Variants in MARCHF4 observed in about 807,000 individuals in gnomAD.
The protein encoded by MARCHF4 is membrane associated ring-CH-type finger 4.
In MARCHF4, 14 loss-of-function variants were observed where a neutral mutation model predicts 43.9. The observed-to-expected ratio is 0.32, with a 90% CI of 0.21 to 0.50. The LOEUF is 0.50. MARCHF4 is among the 20% of genes least tolerant of loss of function. MARCHF4 has a pLI of 0.98. For synonymous variants in MARCHF4, 226 were observed against 213.3 expected, an observed-to-expected ratio of 1.06 and a Z score of -0.52; for missense variants, 468 against 536.7, an observed-to-expected ratio of 0.87 and a Z score of 1.27.
intron 1 of MARCHF4, among the ~76,000 whole-genome samples, chr2:216,354,891 T>TTTTC (rs71054468): frequency 0.027 from 2,317 of 85,996 alleles, 122 homozygotes; most frequent in Non-Finnish European, 0.03. Context: ...TTAATAATTG[T>TTTTC]TTTCTTTCTT....
chr2:216,348,220 AG>A (rs1332019453), intron 1 of MARCHF4, among the ~76,000 whole-genome samples: 1 of 151,920 alleles, frequency 6.6e-6, no homozygotes, highest in Non-Finnish European at 1.5e-5. Flanking sequence ...TATTTTTAGT[AG>A]AAATGGGGTT....
Position 216,277,863 on chromosome 2 carries a change from C to T in MARCHF4, c.674G>A (p.Trp225Ter). ...AATGACCGTCAGAGAGATGGCCTGC[C>T]ACTGCAGGGGAGAGAGTGGCCAGTT... ...IAISTKNPLQWQAISLTVIEK... is the reference protein window; with the variant it reads ...IAISTKNPLQ The change falls in exon 3 of 4, where the codon TGG (tryptophan) becomes TAG (stop). Residue 225 changes from tryptophan (W) to a stop codon, truncating the protein, a stop_gained and splice_region_variant. Coordinates refer to ENST00000273067, the MANE Select transcript of MARCHF4 (RefSeq NM_020814.3). LOFTEE classifies it high-confidence loss of function. 1 of 1,608,880 alleles carries T rather than the reference C, an allele frequency of 6.2e-7. No individual in the cohort carries two copies. Among genetic ancestry groups the T allele is most frequent in the Non-Finnish European group, 8.5e-7 (1 of 1,175,828 alleles).
chr2:216,352,480 A>G (rs575904667), intron 1 of MARCHF4, among the ~76,000 whole-genome samples: 1 of 152,112 alleles, frequency 6.6e-6, no homozygotes, highest in African/African-American at 2.4e-5. Flanking sequence ...CCTTCCTCCC[A>G]GGGGTGACAT....
At chr2:216,335,140 T>C (rs1692138476) in intron 1 of MARCHF4, among the ~76,000 whole-genome samples, 1 of 152,202 alleles carries the variant, frequency 6.6e-6, no homozygotes, top group African/African-American at 2.4e-5. Flanking sequence ...AGTGACAGAC[T>C]AGAATCACCA....
At chr2:216,317,024 C>T (rs1172269015) in intron 1 of MARCHF4, among the ~76,000 whole-genome samples, 2 of 152,142 alleles carry the variant, frequency 1.3e-5, no homozygotes, top group Non-Finnish European at 2.9e-5. Flanking sequence ...AGGATGAGCA[C>T]TCTCCAACCT....
chr2:216,351,246 C>T (rs776392936), intron 1 of MARCHF4, among the ~76,000 whole-genome samples: 4 of 152,142 alleles, frequency 2.6e-5, no homozygotes, highest in Admixed American at 2.0e-4. Flanking sequence ...GGCATCACCA[C>T]GCGCAAGGAA....
chr2:216,320,110 TA>T (rs1396029156), intron 1 of MARCHF4, among the ~76,000 whole-genome samples: 1 of 152,188 alleles, frequency 6.6e-6, no homozygotes, highest in East Asian at 1.9e-4. Context: ...GAACTAAGAT[TA>T]CTGTAAGACA....
chr2:216,263,506 AG>A (rs1690781879), intron 3 of MARCHF4, among the ~76,000 whole-genome samples: 3 of 142,786 alleles, frequency 2.1e-5, no homozygotes, highest in Admixed American at 6.9e-5. Context: ...AGAGAGAGAG[AG>A]AGAGAGAGAG....
At chr2:216,344,081 A>G (rs1692276156) in intron 1 of MARCHF4, among the ~76,000 whole-genome samples, 1 of 152,030 alleles carries the variant, frequency 6.6e-6, no homozygotes, top group Admixed American at 6.5e-5. Flanking sequence ...TTTGGGAGAG[A>G]GCTCAGTTTT....
rs534254246 is a variant in MARCHF4, at chr2:216,279,641, G to C, written c.673-1777C>G. Among the ~76,000 whole-genome samples the C allele has an allele frequency of 2.4e-4, 37 of 152,338 alleles. 1 individual carries two copies. The South Asian group carries it at 7.5e-3, about 31-fold the overall frequency. ...TTCTGGCTGCAGCTGGGATTGGCCT[G>C]GCCAGTGGCCTCCAGGGAATTTTAA... On this transcript the variant is annotated intron_variant, in intron 2 of 3. Coordinates refer to ENST00000273067, the MANE Select transcript of MARCHF4 (RefSeq NM_020814.3).
chr2:216,359,141 G>T (rs1456661395), intron 1 of MARCHF4, among the ~76,000 whole-genome samples: 1 of 152,160 alleles, frequency 6.6e-6, no homozygotes, highest in Non-Finnish European at 1.5e-5. Context: ...GCCCATGTTG[G>T]TCAGACTTTC....
At chr2:216,270,599 T>G (rs894265603) in intron 3 of MARCHF4, among the ~76,000 whole-genome samples, 14 of 152,188 alleles carry the variant, frequency 9.2e-5, no homozygotes, top group African/African-American at 3.4e-4. Flanking sequence ...GTGTCTTGTT[T>G]ATCTTCTACT....
chr2:216,338,581 C>G (rs1428272082), intron 1 of MARCHF4, among the ~76,000 whole-genome samples: 1 of 152,174 alleles, frequency 6.6e-6, no homozygotes, highest in Non-Finnish European at 1.5e-5. Context: ...AGCTTAGGCA[C>G]TGCCTTCCTA....
intron 3 of MARCHF4, among the ~76,000 whole-genome samples, chr2:216,269,394 G>T (rs1029267366): frequency 6.6e-6 from 1 of 152,158 alleles, no homozygotes; most frequent in Non-Finnish European, 1.5e-5. Flanking sequence ...TGACAGAAGA[G>T]GAGGCAGGTG....
chr2:216,361,434 C>T (rs1692577361), intron 1 of MARCHF4, among the ~76,000 whole-genome samples: 2 of 152,142 alleles, frequency 1.3e-5, no homozygotes, highest in African/African-American at 4.8e-5. Flanking sequence ...ACATATTGGG[C>T]AACTGTTTCC....
rs537840880 is a variant in MARCHF4, at chr2:216,340,970, G to A, written c.516+28775C>T. On this transcript the variant is annotated intron_variant, in intron 1 of 3. Coordinates refer to ENST00000273067, the MANE Select transcript of MARCHF4 (RefSeq NM_020814.3). ...ACACCGAAGCCCCCTGGCTTGGAAA[G>A]TTAAATGTCCAGGTTGTGAACTACG... is the stretch of plus-strand genomic sequence containing the variant. Among the ~76,000 whole-genome samples, 5 of 152,252 alleles carry A rather than the reference G, an allele frequency of 3.3e-5. No homozygotes were observed. In the East Asian group the frequency reaches 9.7e-4, roughly 29 times the overall value.
chr2:216,271,354 C>G (rs1288128836), intron 3 of MARCHF4, among the ~76,000 whole-genome samples: 1 of 152,164 alleles, frequency 6.6e-6, no homozygotes, highest in African/African-American at 2.4e-5. Context: ...TTTGATTTGT[C>G]TTTGGAAACT....
At chr2:216,313,407 A>G (rs892660771) in intron 1 of MARCHF4, among the ~76,000 whole-genome samples, 1 of 152,202 alleles carries the variant, frequency 6.6e-6, no homozygotes, top group Non-Finnish European at 1.5e-5. Context: ...AGTAAAATTG[A>G]TTCTTTTACT....
chr2:216,370,050 G>T lies in MARCHF4; in HGVS notation c.211C>A (p.Pro71Thr). 6.4e-7 allele frequency: 1 copy of T among 1,556,246 alleles called. No homozygotes were observed. The highest frequency in any genetic ancestry group is 1.2e-5 in the South Asian group (1 of 85,332). The change falls in exon 1 of 4, where the codon CCC (proline) becomes ACC (threonine). Residue 71 changes from proline to threonine, a missense_variant. Physicochemically the swap from Pro to Thr is conservative, Grantham distance 38. Transcript: ENST00000273067. ...PLPMHGDPQP[P>T]GLAANNTLPA... ...AGGGTGTTGTTGGCCGCCAAACCGG[G>T]GGGCTGGGGGTCGCCGTGCATGGGC...
Sources: gnomAD v4.1 joint callset for allele counts (sites outside exome capture counted in the v4.1 genomes callset) on GRCh38, gnomAD v4.1.1 for gene constraint, MANE v1.5 for transcripts, NCBI Gene and HGNC (gene_info 2026-07-23, HGNC 2026-07-21) for gene names.